The following ZNF718 variants were observed in gnomAD, a reference collection of about 807,000 sequenced individuals.
ZNF718 encodes the protein zinc finger protein 718.
In ZNF718, 3 loss-of-function variants were observed where a neutral mutation model predicts 2.6. That is an observed-to-expected ratio of 1.16 (90% CI 0.53 to 3.01). ZNF718 has a LOEUF of 3.01. ZNF718 is among the 30% of genes most tolerant of loss of function. The pLI, the probability that ZNF718 is intolerant of heterozygous loss-of-function variation, is 0.03. For missense variants in ZNF718, 468 were observed against 230.0 expected (o/e 2.03, Z -6.69); for synonymous variants, 135 against 77.9 (o/e 1.73, Z -3.86).
intron 3 of ZNF718, among the ~76,000 whole-genome samples, chr4:171,895 C>T (rs1457192361): frequency 6.6e-6 from 1 of 152,192 alleles, no homozygotes; most frequent in Non-Finnish European, 1.5e-5. Flanking sequence ...AACCCGGTAC[C>T]TCAGTTGGAA....
intron 3 of ZNF718, among the ~76,000 whole-genome samples, chr4:138,126 C>A (rs1715653701): frequency 6.6e-6 from 1 of 152,150 alleles, no homozygotes; most frequent in Admixed American, 6.5e-5. Context: ...AGTGTTTATT[C>A]TTTGTTTTAC....
chr4:184,469 C>G (rs1303996031), intron 3 of ZNF718, among the ~76,000 whole-genome samples: 1 of 151,966 alleles, frequency 6.6e-6, no homozygotes, highest in Non-Finnish European at 1.5e-5. Flanking sequence ...CTGAAGTTTT[C>G]TTTTTTTGTT....
intron 3 of ZNF718, chr4:136,562 C>T (rs1715582324): frequency 2.1e-6 from 1 of 476,582 alleles, no homozygotes; most frequent in Non-Finnish European, 4.2e-6. Flanking sequence ...TGAGGCCCTG[C>T]TTTTTCCAAA....
At chr4:166,950 G>A (rs535916960), downstream of ZNF718, among the ~76,000 whole-genome samples, 1 of 152,258 alleles carries the variant, frequency 6.6e-6, no homozygotes, top group Non-Finnish European at 1.5e-5. Context: ...GAATGGTATT[G>A]CCTAGGTTTT....
intron 3 of ZNF718, among the ~76,000 whole-genome samples, chr4:184,186 A>C (rs1553820193): frequency 6.6e-6 from 1 of 152,048 alleles, no homozygotes; most frequent in Non-Finnish European, 1.5e-5. Context: ...CATTCCTTCA[A>C]TACTTAGTTT....
chr4:173,615 C>T (rs1553818533), intron 3 of ZNF718, among the ~76,000 whole-genome samples: 1 of 152,142 alleles, frequency 6.6e-6, no homozygotes, highest in East Asian at 1.9e-4. Context: ...TTTTTGACAG[C>T]AAAGGATACT....
rs374654841 is a variant in ZNF718, at chr4:151,972, TGTG to T, written c.227-8938_227-8936del. 1.0e-4 allele frequency among the ~76,000 whole-genome samples: 15 copies of T among 149,558 alleles called. No individual in the cohort carries two copies. The South Asian group carries it at 2.6e-3, about 26-fold the overall frequency. On this transcript the variant is annotated intron_variant, in intron 3 of 3. Transcript: ENST00000510175. ...GGATGTGTCAGGGTCACAAGACAAT[TGTG>T]GGGAGAGGGTCAGCAGACAAACACG... is the stretch of plus-strand genomic sequence containing the variant.
intron 3 of ZNF718, among the ~76,000 whole-genome samples, chr4:157,107 T>C (rs868918004): frequency 7.1e-4 from 7 of 9,832 alleles, no homozygotes; most frequent in South Asian, 3.4e-3. Context: ...TTCTTTCTTT[T>C]TTTTTTTTTT....
At chr4:143,565 AC>A (rs1371338071) in intron 3 of ZNF718, among the ~76,000 whole-genome samples, 2 of 152,196 alleles carry the variant, frequency 1.3e-5, no homozygotes, top group Non-Finnish European at 2.9e-5. Flanking sequence ...ACAGACCAAA[AC>A]AAAATGGAGT....
At chr4:159,503 C>T (rs1716731005) in intron 3 of ZNF718, among the ~76,000 whole-genome samples, 1 of 151,944 alleles carries the variant, frequency 6.6e-6, no homozygotes, top group Non-Finnish European at 1.5e-5. Flanking sequence ...ACTTTTGAAA[C>T]TTTGCTTGTA....
exon 4 of ZNF718, chr4:201,085 C>T (rs1247477860): frequency 1.3e-5 from 2 of 152,212 alleles, no homozygotes; most frequent in African/African-American, 4.8e-5. Context: ...CCCCAGGTCA[C>T]TACAGGAAAA....
chr4:193,453 T>A (rs1030871834), intron 3 of ZNF718, among the ~76,000 whole-genome samples: 3 of 152,266 alleles, frequency 2.0e-5, no homozygotes, highest in African/African-American at 7.2e-5. Context: ...AGATTTACCC[T>A]TTTTCCTTCT....
chr4:177,428 C>CAGGCCT (rs1417948120), intron 3 of ZNF718, among the ~76,000 whole-genome samples: 1 of 152,096 alleles, frequency 6.6e-6, no homozygotes, highest in Non-Finnish European at 1.5e-5. Context: ...TTTTATACAC[C>CAGGCCT]AGGCCTCTTC....
intron 3 of ZNF718, among the ~76,000 whole-genome samples, chr4:159,677 C>T (rs1716738694): frequency 6.6e-6 from 1 of 151,724 alleles, no homozygotes; most frequent in South Asian, 2.1e-4. Flanking sequence ...CATTGATATT[C>T]TTATTTTTCT....
intron 3 of ZNF718, among the ~76,000 whole-genome samples, chr4:149,368 T>C (rs1716214916): frequency 6.6e-6 from 1 of 152,316 alleles, no homozygotes; most frequent in South Asian, 2.1e-4. Flanking sequence ...AGTTAAAAAC[T>C]GTAGTTATTT....
chr4:176,953 C>A lies in ZNF718; in HGVS notation c.227-24128C>A, dbSNP rs782101643. Among the ~76,000 whole-genome samples the A allele has an allele frequency of 2.8e-4, 43 of 152,176 alleles. 1 individual carries two copies. The highest frequency in any genetic ancestry group is 5.6e-4 in the Non-Finnish European group (38 of 68,026). On this transcript the variant is annotated intron_variant and NMD_transcript_variant, in intron 3 of 4. Coordinates refer to the ZNF718 transcript ENST00000642529. ...TCATTCTTGTTTATGGAGTGCAGAA[C>A]TTTACTTCCTATGGAAGATGCAGGC...
rs1716975462 is a variant in ZNF718, at chr4:163,187, ACTT to A, written c.*1066_*1068del. The A allele has an allele frequency of 6.6e-6, 1 of 150,960 alleles. No individual in the cohort carries two copies. The highest frequency in any genetic ancestry group is 6.6e-5 in the Admixed American group (1 of 15,044). 9.4% of individuals were successfully genotyped at this position (150,960 alleles called of 1,614,324 possible). A position where few individuals can be genotyped will look rare whatever the true frequency, so the allele number is the denominator to read the frequency against. ...CTTTTTAGGTGGGCATCATTCATGA[ACTT>A]TTTTTTTTTTTTTGAGACGGAGTCT... On this transcript the variant is annotated 3_prime_UTR_variant, in exon 4 of 4. Transcript: ENST00000510175.
At chr4:148,118 C>T (rs782592669) in intron 3 of ZNF718, among the ~76,000 whole-genome samples, 1 of 152,160 alleles carries the variant, frequency 6.6e-6, no homozygotes, top group African/African-American at 2.4e-5. Context: ...CTTCAGATTT[C>T]TGGGCGGGCA....
At chr4:192,514 G>A (rs1339993492) in intron 3 of ZNF718, among the ~76,000 whole-genome samples, 2 of 152,170 alleles carry the variant, frequency 1.3e-5, no homozygotes, top group African/African-American at 4.8e-5. Context: ...TTCTTAGTCA[G>A]CCCAGGAAAT....
Sources: allele counts gnomAD v4.1 joint callset (sites outside exome capture counted in the v4.1 genomes callset), GRCh38; gene constraint gnomAD v4.1.1; transcripts MANE v1.5; gene names NCBI Gene and HGNC (gene_info 2026-07-23, HGNC 2026-07-21).